Variants in STAB2 observed in about 807,000 individuals in gnomAD.
The protein encoded by STAB2 is stabilin-2.
STAB2 carries 288 observed loss-of-function variants against 338.1 expected under a neutral mutation model. That is an observed-to-expected ratio of 0.85 (90% confidence interval 0.77 to 0.94). The LOEUF is 0.94. Among genes scored for constraint, STAB2 ranks in the 40% least tolerant of loss-of-function variants. The probability of loss-of-function intolerance (pLI) is 0.00; values close to 1 mark genes in which losing one functional copy is unlikely to be tolerated. For missense variants in STAB2, 3,141 were observed against 3,210.1 expected (o/e 0.98, Z 0.52); for synonymous variants, 1,202 against 1,193.3 (o/e 1.01, Z -0.15).
intron 44 of STAB2, among the ~76,000 whole-genome samples, chr12:103,724,471 C>T (rs562550153): frequency 1.6e-4 from 25 of 152,108 alleles, no homozygotes; most frequent in Non-Finnish European, 2.9e-4. Flanking sequence ...CTGCAGTGAG[C>T]GTTCCCATGG....
chr12:103,657,326 C>T (rs1398061914), intron 15 of STAB2, among the ~76,000 whole-genome samples: 1 of 151,286 alleles, frequency 6.6e-6, no homozygotes, highest in African/African-American at 2.4e-5. Context: ...TAATTTGATG[C>T]ACATTTTAAT....
chr12:103,667,660 G>A (rs769212081), intron 19 of STAB2, among the ~76,000 whole-genome samples: 14 of 152,118 alleles, frequency 9.2e-5, no homozygotes, highest in Non-Finnish European at 1.9e-4. Flanking sequence ...TTCCCAAAAG[G>A]ACTGTAGTGC....
intron 19 of STAB2, among the ~76,000 whole-genome samples, chr12:103,667,384 G>A (rs947559109): frequency 1.3e-5 from 2 of 152,092 alleles, no homozygotes; most frequent in African/African-American, 4.8e-5. Context: ...CCACGAGGTG[G>A]GTATATTATC....
chr12:103,705,493 A>C (rs182803913), intron 36 of STAB2, 139 bp from the exon 37 acceptor site: 30 of 647,126 alleles, frequency 4.6e-5, no homozygotes, highest in African/African-American at 4.4e-4. Context: ...CTTAAGAAGC[A>C]GTGCCAACAA....
intron 25 of STAB2, among the ~76,000 whole-genome samples, chr12:103,681,988 A>G (rs928851638): frequency 6.6e-6 from 1 of 152,052 alleles, no homozygotes; most frequent in Non-Finnish European, 1.5e-5. Flanking sequence ...CCCTATTTCC[A>G]AATAAGGTTG....
At chr12:103,680,224 G>A (rs1024589879) in intron 25 of STAB2, among the ~76,000 whole-genome samples, 3 of 152,164 alleles carry the variant, frequency 2.0e-5, no homozygotes, top group African/African-American at 4.8e-5. Context: ...GGTTGTACAC[G>A]AATGTGAATG....
At chr12:103,681,966 A>G (rs560443530) in intron 25 of STAB2, among the ~76,000 whole-genome samples, 59 of 152,124 alleles carry the variant, frequency 3.9e-4, no homozygotes, top group Admixed American at 8.5e-4. Flanking sequence ...TTAACTAATT[A>G]TATCGTATCA....
chr12:103,766,245 A>G (rs1566090262), intron 68 of STAB2, 41 bp from the exon 69 acceptor site: 1 of 1,613,632 alleles, frequency 6.2e-7, no homozygotes, highest in Admixed American at 1.7e-5. Context: ...AGGACTCAAC[A>G]CACAGAATGC....
Position 103,674,690 on chromosome 12 carries a change from A to G in STAB2, c.2552+603A>G, listed in dbSNP as rs149203581. Among the ~76,000 whole-genome samples, 472 of 152,296 alleles carry G rather than the reference A, an allele frequency of 3.1e-3. 4 individuals are homozygous for G. Among genetic ancestry groups the G allele is most frequent in the African/African-American group, 0.011 (446 of 41,562 alleles). On this transcript the variant is annotated intron_variant, in intron 23 of 68. Transcript: ENST00000388887. ...AGGGGGAAAATGCCAGAGGAAATTT[A>G]CCTCTCTGGAAATACCTAGCTCCAA...
At chr12:103,679,073 G>A (rs188891380) in intron 25 of STAB2, among the ~76,000 whole-genome samples, 10 of 152,164 alleles carry the variant, frequency 6.6e-5, no homozygotes, top group African/African-American at 2.4e-4. Context: ...CCCCACAGGG[G>A]GTTAAAAGGT....
intron 34 of STAB2, among the ~76,000 whole-genome samples, chr12:103,701,977 TACAC>T (rs71097990): frequency 0.047 from 6,745 of 143,866 alleles, 152 homozygotes; most frequent in Non-Finnish European, 0.052. Context: ...TCAGCCCTGC[TACAC>T]ACACACACAC....
In STAB2 at chr12:103,654,692, C is replaced by A; in HGVS notation, c.1545C>A (p.Asn515Lys). 1.2e-6 allele frequency: 2 copies of A among 1,613,552 alleles called. No homozygotes were observed. The highest frequency in any genetic ancestry group is 1.7e-6 in the Non-Finnish European group (2 of 1,179,812). Residue 515 changes from asparagine (N) to lysine (K), a missense_variant, in exon 13 of 69, where the codon AAC becomes AAA. By Grantham distance (94) the Asn-to-Lys change is moderately conservative. Transcript: ENST00000388887. ...MDKLEPTFESNNEQTIMTMLQ... is the reference protein window; with the variant it reads ...MDKLEPTFESKNEQTIMTMLQ... ...AGTTAGAACCCACATTTGAGAGCAA[C>A]AATGAGGTGAGTATTCAGATAAAAG... is the stretch of plus-strand genomic sequence containing the variant.
rs142654447 is a variant in STAB2, at chr12:103,746,616, G to A, written c.6156G>A (p.Thr2052=). Reference sequence around the variant, plus strand: ...TTGCAGTTTTGCCTGCAGTGTGTACGCCTCCTTGTTCTGCTCATGCCACCT... The same window carrying A: ...TTGCAGTTTTGCCTGCAGTGTGTACACCTCCTTGTTCTGCTCATGCCACCT... ...DTQAVLPAVC[T]PPCSAHATCK... The change falls in exon 58 of 69, where the codon ACG becomes ACA. Residue 2052 remains threonine, a synonymous_variant. Coordinates refer to ENST00000388887, the MANE Select transcript of STAB2 (RefSeq NM_017564.10). 26 of 1,613,924 alleles carry A rather than the reference G, an allele frequency of 1.6e-5. No homozygotes were observed. The highest frequency in any genetic ancestry group is 5.0e-5 in the Admixed American group (3 of 60,000).
chr12:103,746,426 C>T (rs1220642514), intron 57 of STAB2, 171 bp from the exon 58 acceptor site: 4 of 614,794 alleles, frequency 6.5e-6, no homozygotes, highest in Non-Finnish European at 1.2e-5. Context: ...TTCTAGAATC[C>T]CAGAATCTCC....
chr12:103,723,028 G>A (rs1002634439), intron 44 of STAB2, among the ~76,000 whole-genome samples: 27 of 152,362 alleles, frequency 1.8e-4, no homozygotes, highest in African/African-American at 6.5e-4. Flanking sequence ...CACAGTCCGT[G>A]AGTTCAGACC....
chr12:103,706,976 A>G lies in STAB2; in HGVS notation c.4181A>G (p.His1394Arg). 6.2e-7 allele frequency: 1 copy of G among 1,614,166 alleles called. No homozygotes were observed. ...TGCACCGAGGGCAAGTACGGCATCC[A>G]CTGTGACCAAGGTGAGCACCGTCCT... Reference protein sequence around the residue: ...ETCTEGKYGIHCDQACSCVHG... With the variant: ...ETCTEGKYGIRCDQACSCVHG... Residue 1394 changes from histidine to arginine, a missense_variant, in exon 38 of 69, where the codon CAC (histidine) becomes CGC (arginine). Coordinates refer to ENST00000388887, the MANE Select transcript of STAB2 (RefSeq NM_017564.10).
chr12:103,703,547 G>T (rs1246634635), intron 35 of STAB2, among the ~76,000 whole-genome samples: 4 of 152,050 alleles, frequency 2.6e-5, no homozygotes, highest in African/African-American at 2.4e-5. Context: ...TGGGGATGGT[G>T]GGGGGGAGTG....
intron 31 of STAB2, 101 bp downstream of exon 31, chr12:103,692,990 T>C (rs1878086239): frequency 1.1e-6 from 1 of 905,792 alleles, no homozygotes; most frequent in Non-Finnish European, 1.7e-6. Context: ...ATACTTAGCC[T>C]TATATGGAAG....
rs199548803 is a variant in STAB2, at chr12:103,763,446, C to T, written c.7489-46C>T. 1.9e-4 allele frequency: 300 copies of T among 1,583,536 alleles called. 1 individual carries two copies. In the African/African-American group the frequency reaches 3.5e-3, roughly 18 times the overall value. On this transcript the variant is annotated intron_variant, in intron 67 of 68. Transcript: ENST00000388887. Reference sequence around the variant, plus strand: ...ACCTGCCAACTTGGCTGAGACGCTCCTGCTTTGGGGATGCTCCTGGCTTTC... The same window carrying T: ...ACCTGCCAACTTGGCTGAGACGCTCTTGCTTTGGGGATGCTCCTGGCTTTC...
Sources: allele counts gnomAD v4.1 joint callset (sites outside exome capture counted in the v4.1 genomes callset), GRCh38; gene constraint gnomAD v4.1.1; transcripts MANE v1.5; gene names NCBI Gene and HGNC (gene_info 2026-07-23, HGNC 2026-07-21).